MVB12B: variants seen among roughly 807,000 people sequenced by gnomAD.
MVB12B encodes multivesicular body subunit 12B.
A neutral mutation model predicts 41.6 loss-of-function variants in MVB12B; 16 were observed. The observed-to-expected ratio is 0.38, with a 90% CI of 0.26 to 0.58. The LOEUF (loss-of-function observed/expected upper bound fraction) is 0.58, where lower values mean the gene tolerates loss of function less well. MVB12B is among the 20% of genes least tolerant of loss of function. The pLI, the probability that MVB12B is intolerant of heterozygous loss-of-function variation, is 0.62. For synonymous variants in MVB12B, 133 were observed against 139.7 expected, an observed-to-expected ratio of 0.95 and a Z score of 0.34; for missense variants, 274 against 380.2, an observed-to-expected ratio of 0.72 and a Z score of 2.32.
chr9:126,396,808 T>G (rs1831127665), intron 6 of MVB12B: 3 of 985,352 alleles, frequency 3.0e-6, no homozygotes, highest in Admixed American at 6.1e-5. Flanking sequence ...GTTTTCAGTT[T>G]CATTTGGCAT....
chr9:126,472,814 C>T (rs1335149361), intron 7 of MVB12B, among the ~76,000 whole-genome samples: 1 of 152,192 alleles, frequency 6.6e-6, no homozygotes, highest in Non-Finnish European at 1.5e-5. Flanking sequence ...TACTTAATTA[C>T]AGGCCTGCTT....
At chr9:126,344,811 A>C (rs1422589156) in intron 2 of MVB12B, among the ~76,000 whole-genome samples, 1 of 152,192 alleles carries the variant, frequency 6.6e-6, no homozygotes, top group Non-Finnish European at 1.5e-5. Context: ...GCATCATCCC[A>C]TGGCGGAAGT....
intron 7 of MVB12B, among the ~76,000 whole-genome samples, chr9:126,451,213 C>CT (rs1182557138): frequency 6.6e-6 from 1 of 152,214 alleles, no homozygotes; most frequent in East Asian, 1.9e-4. Flanking sequence ...GCCTCAGCGT[C>CT]TTTGACTGTA....
chr9:126,396,311 A>G, intron 6 of MVB12B: 1 of 985,618 alleles, frequency 1.0e-6, no homozygotes, highest in South Asian at 4.7e-5. Context: ...TGCAAAAAGA[A>G]TCCTGTCAAA....
At chr9:126,476,846 C>T (rs1354906166) in intron 7 of MVB12B, among the ~76,000 whole-genome samples, 2 of 131,168 alleles carry the variant, frequency 1.5e-5, no homozygotes, top group African/African-American at 3.0e-5. Flanking sequence ...CACTGCACTC[C>T]AGCCTGGGAG....
At chr9:126,370,910 TTCTC>T (rs887314230) in intron 2 of MVB12B, among the ~76,000 whole-genome samples, 25 of 152,324 alleles carry the variant, frequency 1.6e-4, no homozygotes, top group African/African-American at 4.8e-4. Flanking sequence ...TCTTTAATAA[TTCTC>T]TCTATTTAAA....
intron 2 of MVB12B, among the ~76,000 whole-genome samples, chr9:126,345,610 C>G (rs1340616936): frequency 2.0e-5 from 3 of 151,284 alleles, no homozygotes; most frequent in Non-Finnish European, 4.4e-5. Flanking sequence ...GGAGGTCTCT[C>G]TGATAACCAC....
At chr9:126,355,443 T>G (rs560967242) in intron 2 of MVB12B, among the ~76,000 whole-genome samples, 1 of 152,318 alleles carries the variant, frequency 6.6e-6, no homozygotes, top group South Asian at 2.1e-4. Context: ...TCAGGTTAGG[T>G]CAAGTCATAC....
chr9:126,420,441 G>T (rs1831969846), intron 6 of MVB12B, among the ~76,000 whole-genome samples: 1 of 152,150 alleles, frequency 6.6e-6, no homozygotes, highest in South Asian at 2.1e-4. Context: ...GTGGCTAGCA[G>T]ACCCAATACC....
intron 2 of MVB12B, among the ~76,000 whole-genome samples, chr9:126,378,734 C>A (rs1252308620): frequency 1.3e-5 from 2 of 152,108 alleles, no homozygotes; most frequent in Non-Finnish European, 2.9e-5. Flanking sequence ...AGTTTGGGCC[C>A]AGGTCAAAGC....
At chr9:126,379,989 CCAAAGTCTGAAGCT>C (rs2118958509) in intron 2 of MVB12B, among the ~76,000 whole-genome samples, 1 of 152,308 alleles carries the variant, frequency 6.6e-6, no homozygotes, top group African/African-American at 2.4e-5. Flanking sequence ...GGACTGGATC[CCAAAGTCTGAAGCT>C]CAAAAGGACA....
chr9:126,359,049 T>C (rs1829959055), intron 2 of MVB12B, among the ~76,000 whole-genome samples: 1 of 151,926 alleles, frequency 6.6e-6, no homozygotes, highest in South Asian at 2.1e-4. Flanking sequence ...GGATTTTCTC[T>C]TTTTAATTTT....
chr9:126,478,098 G>A lies in MVB12B; in HGVS notation c.758-3271G>A, dbSNP rs727607. ...TTGGAACTAGATGGAGGTGATGATCGCACACCATTGTGAATGTTCTAAATG... is the reference window on the plus strand; with the variant it reads ...TTGGAACTAGATGGAGGTGATGATCACACACCATTGTGAATGTTCTAAATG... On this transcript the variant is annotated intron_variant, in intron 7 of 9. Coordinates refer to ENST00000361171, the MANE Select transcript of MVB12B (RefSeq NM_033446.3). This position sits in a 1 kb window ranked among gnomAD's most constrained non-coding sequence, Gnocchi z 4.2. Among the ~76,000 whole-genome samples the A allele has an allele frequency of 2.1e-4, 32 of 152,328 alleles. 1 individual carries two copies. The South Asian group carries it at 6.4e-3, about 31-fold the overall frequency.
chr9:126,487,735 C>G (rs1327326462), intron 9 of MVB12B, among the ~76,000 whole-genome samples: 1 of 150,144 alleles, frequency 6.7e-6, no homozygotes, highest in Admixed American at 6.7e-5. Context: ...CCATTGCATT[C>G]CGGCCTGGGC....
chr9:126,501,552 T>C (rs9697129), intron 9 of MVB12B, among the ~76,000 whole-genome samples: 38,431 of 152,194 alleles, frequency 0.25, 5,008 homozygotes, highest in South Asian at 0.29. Context: ...CGGGTCAGCC[T>C]GGGGACTGTG....
intron 7 of MVB12B, among the ~76,000 whole-genome samples, chr9:126,479,833 T>C (rs1537987): frequency 0.42 from 64,313 of 152,078 alleles, 14,065 homozygotes; most frequent in East Asian, 0.7. Context: ...TAAAATAAAG[T>C]GTGAGCAGAG....
chr9:126,441,558 T>C (rs904066138), intron 7 of MVB12B, among the ~76,000 whole-genome samples: 15 of 152,274 alleles, frequency 9.9e-5, no homozygotes, highest in African/African-American at 3.4e-4. Flanking sequence ...TTTCTGGGGC[T>C]ATCGTTTCTT....
intron 8 of MVB12B, 53 bp downstream of exon 8, chr9:126,481,477 C>T: frequency 7.5e-7 from 1 of 1,324,844 alleles, no homozygotes; most frequent in Non-Finnish European, 1.1e-6. Flanking sequence ...AGCCTGAGGT[C>T]CCTCCATCCT....
chr9:126,366,220 A>G (rs1174231093), intron 2 of MVB12B, among the ~76,000 whole-genome samples: 2 of 151,512 alleles, frequency 1.3e-5, no homozygotes, highest in African/African-American at 4.9e-5. Context: ...CCTGCTTGCC[A>G]TCTCCTCTTC....
Sources: allele counts gnomAD v4.1 joint callset (sites outside exome capture counted in the v4.1 genomes callset), GRCh38; gene constraint gnomAD v4.1.1; non-coding constraint Gnocchi (gnomAD v3.1); transcripts MANE v1.5; gene names NCBI Gene and HGNC (gene_info 2026-07-23, HGNC 2026-07-21).